Variants in TTC8 observed in about 807,000 individuals in gnomAD.
TTC8 encodes tetratricopeptide repeat domain 8, also known as tetratricopeptide repeat protein 8.
Under a neutral mutation model 72.5 loss-of-function variants are expected in TTC8, and 47 were observed. The observed-to-expected ratio is 0.65, with a 90% CI of 0.51 to 0.83. The LOEUF is 0.83. TTC8 is among the 40% of genes least tolerant of loss of function. The pLI is 0.00. For missense variants in TTC8, 611 were observed against 623.2 expected (o/e 0.98, Z 0.21); for synonymous variants, 199 against 221.4 (o/e 0.90, Z 0.90).
chr14:88,846,400 T>G (rs2094806802), intron 7 of TTC8, among the ~76,000 whole-genome samples: 1 of 152,002 alleles, frequency 6.6e-6, no homozygotes, highest in Non-Finnish European at 1.5e-5. Flanking sequence ...CATCATTATG[T>G]GTAGGAAGAG....
intron 10 of TTC8, among the ~76,000 whole-genome samples, chr14:88,863,736 A>T (rs897624378): frequency 6.6e-6 from 1 of 152,202 alleles, no homozygotes; most frequent in Non-Finnish European, 1.5e-5. Context: ...GTGTATTCCT[A>T]CGTATAAGTA....
chr14:88,868,971 A>G (rs77183959), intron 10 of TTC8, among the ~76,000 whole-genome samples: 4,120 of 152,306 alleles, frequency 0.027, 141 homozygotes, highest in East Asian at 0.16. Context: ...GTATGTCTAA[A>G]TATCAGTGAG....
chr14:88,847,969 A>C (rs2094815386), intron 7 of TTC8, among the ~76,000 whole-genome samples: 1 of 151,994 alleles, frequency 6.6e-6, no homozygotes, highest in African/African-American at 2.4e-5. Context: ...CTAAAAATAC[A>C]AAAATTAGCT....
intron 1 of TTC8, among the ~76,000 whole-genome samples, chr14:88,826,527 A>C (rs1249091873): frequency 1.3e-5 from 2 of 150,810 alleles, no homozygotes; most frequent in African/African-American, 4.9e-5. Context: ...ACACGGTGAA[A>C]CCCCCTCTCT....
At chr14:88,846,817 T>C (rs1025381837) in intron 7 of TTC8, 1 of 452,110 alleles carries the variant, frequency 2.2e-6, no homozygotes, top group African/African-American at 2.0e-5. Flanking sequence ...ACAGATAGAG[T>C]AGTAACATTT....
At chr14:88,869,704 T>C (rs2141032262) in intron 10 of TTC8, among the ~76,000 whole-genome samples, 1 of 152,284 alleles carries the variant, frequency 6.6e-6, no homozygotes, top group Middle Eastern at 3.4e-3. Flanking sequence ...CAGGGCTTGA[T>C]CCTTCACTTC....
Position 88,824,732 on chromosome 14 carries a change from C to T in TTC8, c.25C>T (p.Leu9Phe), listed in dbSNP as rs1284874471. The T allele has an allele frequency of 4.3e-6, 7 of 1,611,028 alleles. No individual in the cohort carries two copies. Among genetic ancestry groups the T allele is most frequent in the Non-Finnish European group, 5.9e-6 (7 of 1,178,884 alleles). The change falls in exon 1 of 15, where the codon CTC becomes TTC. Residue 9 changes from leucine to phenylalanine, a missense_variant. Coordinates refer to ENST00000380656, the MANE Select transcript of TTC8 (RefSeq NM_144596.4). ...CATGAGCTCGGAGATGGAGCCGCTG[C>T]TCCTGGCCTGGAGCTATTTTAGGCG... is the stretch of plus-strand genomic sequence containing the variant. MSSEMEPL[L>F]LAWSYFRRRK...
At chr14:88,842,695 T>C (rs951775381) in intron 6 of TTC8, among the ~76,000 whole-genome samples, 1 of 152,202 alleles carries the variant, frequency 6.6e-6, no homozygotes, top group African/African-American at 2.4e-5. Flanking sequence ...TGTTACTAGA[T>C]TTAGCCTGAA....
At chr14:88,830,874 A>G (rs993880450) in intron 1 of TTC8, 5 of 455,950 alleles carry the variant, frequency 1.1e-5, no homozygotes, top group African/African-American at 4.0e-5. Flanking sequence ...CTTCCTTCAT[A>G]GTCCTGCTCC....
upstream of TTC8, chr14:88,824,357 A>G: frequency 3.4e-6 from 1 of 292,416 alleles, no homozygotes; most frequent in South Asian, 3.9e-5. Flanking sequence ...CAGGGCAGGC[A>G]GAGCATTCGG....
Position 88,871,738 on chromosome 14 carries a change from T to C in TTC8, c.1224+15T>C, listed in dbSNP as rs777976437. ...ATGTAGCTGTGGTATGTTGTCTTAC[T>C]GATATAATTTCTGTTATAGAAAGTT... On this transcript the variant is annotated intron_variant, in intron 12 of 14. Coordinates refer to ENST00000380656, the MANE Select transcript of TTC8 (RefSeq NM_144596.4). This position sits in a 1 kb window ranked among gnomAD's most constrained non-coding sequence, Gnocchi z 4.1. 3.1e-6 allele frequency: 5 copies of C among 1,613,862 alleles called. 1 individual carries two copies. Among genetic ancestry groups the C allele is most frequent in the Middle Eastern group, 3.3e-4 (2 of 6,082 alleles).
At chr14:88,859,956 AATATAATATAAATATTTTT>A (rs201526465) in intron 9 of TTC8, among the ~76,000 whole-genome samples, 6,147 of 134,210 alleles carry the variant, frequency 0.046, 186 homozygotes, top group Non-Finnish European at 0.071. Context: ...TATATATAGT[AATATAATATAAATATTTTT>A]ATATAATATA....
chr14:88,872,492 C>T, intron 13 of TTC8, 40 bp downstream of exon 13: 1 of 1,611,294 alleles, frequency 6.2e-7, no homozygotes, highest in Non-Finnish European at 8.5e-7. Flanking sequence ...AGTCTGCTTT[C>T]TTCAGAGAAA....
chr14:88,828,990 T>G (rs1050602429), intron 1 of TTC8, among the ~76,000 whole-genome samples: 1 of 152,232 alleles, frequency 6.6e-6, no homozygotes, highest in Non-Finnish European at 1.5e-5. Context: ...TAATACATTT[T>G]AATTTGGCTA....
At chr14:88,863,619 AT>A (rs2141021062) in intron 10 of TTC8, among the ~76,000 whole-genome samples, 1 of 152,386 alleles carries the variant, frequency 6.6e-6, no homozygotes, top group African/African-American at 2.4e-5. Flanking sequence ...TACGCTTATC[AT>A]CTGGGGAAAT....
chr14:88,841,654 C>A, intron 6 of TTC8, 140 bp downstream of exon 6: 1 of 765,544 alleles, frequency 1.3e-6, no homozygotes, highest in East Asian at 2.7e-5. Context: ...TAAAATTACT[C>A]TTAGTCTTTG....
chr14:88,857,424 G>A, intron 9 of TTC8, 147 bp downstream of exon 9: 21 of 736,942 alleles, frequency 2.8e-5, no homozygotes, highest in Admixed American at 1.3e-4. Context: ...TTACAGCAAG[G>A]GAAAAAATGA....
Position 88,857,096 on chromosome 14 carries a change from C to A in TTC8, c.711-94C>A. The A allele has an allele frequency of 2.8e-6, 3 of 1,067,890 alleles. 1 individual carries two copies. In the South Asian group the frequency reaches 3.8e-5, roughly 13 times the overall value. The allele number at this position is 1,067,890 out of a possible 1,614,324, so 66.2% of individuals were successfully genotyped here. A position where few individuals can be genotyped will look rare whatever the true frequency, so the allele number is the denominator to read the frequency against. On this transcript the variant is annotated intron_variant, in intron 8 of 14. Coordinates refer to ENST00000380656, the MANE Select transcript of TTC8 (RefSeq NM_144596.4). ...GCAACATTACCTTCCTTGGTATGTG[C>A]TTCCTCTTATAATTTGTCTCTATTC... is the stretch of plus-strand genomic sequence containing the variant.
At chr14:88,869,690 T>C (rs1423063250) in intron 10 of TTC8, among the ~76,000 whole-genome samples, 1 of 152,134 alleles carries the variant, frequency 6.6e-6, no homozygotes, top group Admixed American at 6.5e-5. Context: ...CCCCCAGATA[T>C]GCTCAGGGCT....
Sources: gnomAD v4.1 joint callset for allele counts (sites outside exome capture counted in the v4.1 genomes callset) on GRCh38, gnomAD v4.1.1 for gene constraint, Gnocchi (gnomAD v3.1) non-coding constraint, MANE v1.5 for transcripts, NCBI Gene and HGNC (gene_info 2026-07-23, HGNC 2026-07-21) for gene names.